Variants in DNER observed in about 807,000 individuals in gnomAD.
The protein encoded by DNER is delta and Notch-like epidermal growth factor-related receptor.
Under a neutral mutation model 78.2 loss-of-function variants are expected in DNER, and 33 were observed. The observed-to-expected ratio is 0.42, with a 90% CI of 0.32 to 0.56. DNER has a LOEUF of 0.56. Ranked by LOEUF, DNER falls within the 20% of genes least tolerant of loss-of-function variation. DNER has a pLI of 0.11. For missense variants in DNER, 918 were observed against 975.3 expected, an observed-to-expected ratio of 0.94 and a Z score of 0.78; for synonymous variants, 417 against 384.8, an observed-to-expected ratio of 1.08 and a Z score of -0.98.
chr2:229,405,281 C>T (rs945244525), intron 10 of DNER, among the ~76,000 whole-genome samples: 1 of 152,152 alleles, frequency 6.6e-6, no homozygotes, highest in African/African-American at 2.4e-5. Flanking sequence ...GAAATAAATG[C>T]TCCTGTGCAC....
At chr2:229,404,311 T>C (rs1391683537) in intron 10 of DNER, among the ~76,000 whole-genome samples, 2 of 152,096 alleles carry the variant, frequency 1.3e-5, no homozygotes, top group Admixed American at 1.3e-4. Flanking sequence ...TGGGGAGGCC[T>C]CGGAAAACTT....
At chr2:229,468,129 A>C (rs1427304137) in intron 7 of DNER, among the ~76,000 whole-genome samples, 1 of 152,190 alleles carries the variant, frequency 6.6e-6, no homozygotes, top group African/African-American at 2.4e-5. Flanking sequence ...AACCAACTCC[A>C]CCTTGCTTCT....
At chr2:229,493,697 C>T (rs1559148029) in intron 6 of DNER, among the ~76,000 whole-genome samples, 1 of 152,206 alleles carries the variant, frequency 6.6e-6, no homozygotes, top group Admixed American at 6.5e-5. Flanking sequence ...TATTGAGCAC[C>T]TGCTTTGTGT....
chr2:229,530,730 A>G (rs943463178), intron 5 of DNER, among the ~76,000 whole-genome samples: 1 of 152,244 alleles, frequency 6.6e-6, no homozygotes, highest in Admixed American at 6.5e-5. Context: ...TCATTAAACT[A>G]GAAACTCTCC....
chr2:229,534,798 T>A (rs2154212907), intron 5 of DNER, among the ~76,000 whole-genome samples: 1 of 152,344 alleles, frequency 6.6e-6, no homozygotes, highest in South Asian at 2.1e-4. Flanking sequence ...GGTGATGAGT[T>A]TATTGGGTTT....
chr2:229,402,930 A>C (rs1394910020), intron 10 of DNER, among the ~76,000 whole-genome samples: 1 of 152,220 alleles, frequency 6.6e-6, no homozygotes, highest in African/African-American at 2.4e-5. Flanking sequence ...AAATGCTTGA[A>C]GAGCAGGGAG....
chr2:229,623,033 C>T (rs918603265), intron 1 of DNER, among the ~76,000 whole-genome samples: 1 of 152,198 alleles, frequency 6.6e-6, no homozygotes, highest in African/African-American at 2.4e-5. Flanking sequence ...GTGCCACCTG[C>T]TCATCCTTAC....
intron 1 of DNER, among the ~76,000 whole-genome samples, chr2:229,681,196 C>G (rs1699381832): frequency 6.6e-6 from 1 of 152,178 alleles, no homozygotes; most frequent in African/African-American, 2.4e-5. Context: ...AATTTCACAA[C>G]CAGCAGGTAC....
intron 1 of DNER, among the ~76,000 whole-genome samples, chr2:229,609,249 C>A (rs1182927883): frequency 1.3e-5 from 2 of 152,090 alleles, no homozygotes; most frequent in Non-Finnish European, 2.9e-5. Flanking sequence ...AAAATGTGAT[C>A]TTCATCATTC....
chr2:229,505,177 A>T (rs1424969354), intron 6 of DNER, among the ~76,000 whole-genome samples: 2 of 126,516 alleles, frequency 1.6e-5, no homozygotes, highest in East Asian at 2.4e-4. Flanking sequence ...GTGTTGCTGC[A>T]GTGTGTGTGT....
intron 1 of DNER, among the ~76,000 whole-genome samples, chr2:229,609,685 G>A (rs149794861): frequency 6.6e-6 from 1 of 152,250 alleles, no homozygotes; most frequent in Non-Finnish European, 1.5e-5. Flanking sequence ...CTGGTGGAGG[G>A]ACACAATGAC....
At chr2:229,373,694 C>A (rs1692538467) in intron 11 of DNER, among the ~76,000 whole-genome samples, 1 of 152,156 alleles carries the variant, frequency 6.6e-6, no homozygotes, top group South Asian at 2.1e-4. Context: ...AAGGTGCCTG[C>A]CCATCAAAGA....
chr2:229,552,996 C>G (rs1479659330), intron 4 of DNER, among the ~76,000 whole-genome samples: 1 of 152,182 alleles, frequency 6.6e-6, no homozygotes, highest in Non-Finnish European at 1.5e-5. Flanking sequence ...TGCACCAATG[C>G]ATGAAGAACC....
chr2:229,642,441 A>T (rs116609223), intron 1 of DNER, among the ~76,000 whole-genome samples: 1,900 of 152,346 alleles, frequency 0.012, 9 homozygotes, highest in Non-Finnish European at 0.021. Context: ...GAAAAAAAGC[A>T]AAGTGAAATG....
chr2:229,678,765 G>A (rs137967051), intron 1 of DNER, among the ~76,000 whole-genome samples: 14 of 152,324 alleles, frequency 9.2e-5, no homozygotes, highest in African/African-American at 3.4e-4. Context: ...CCTATGGGCA[G>A]TATACCGTCA....
chr2:229,591,560 A>G lies in DNER; in HGVS notation c.585+20T>C, dbSNP rs1697606740. The G allele has an allele frequency of 6.3e-7, 1 of 1,590,986 alleles. No individual in the cohort carries two copies. The highest frequency in any genetic ancestry group is 1.8e-5 in the Admixed American group (1 of 56,766). On this transcript the variant is annotated intron_variant, in intron 2 of 12. Coordinates refer to ENST00000341772, the MANE Select transcript of DNER (RefSeq NM_139072.4). This position sits in a 1 kb window ranked among gnomAD's most constrained non-coding sequence, Gnocchi z 4.6. The stretch of plus-strand genomic sequence containing the variant: ...TTTCTGGTTTCTAATGTAAAAATGC[A>G]CATGATATAACGTTCTCACCTCCAC...
At chr2:229,668,763 C>T (rs1306494502) in intron 1 of DNER, among the ~76,000 whole-genome samples, 1 of 151,398 alleles carries the variant, frequency 6.6e-6, no homozygotes, top group Non-Finnish European at 1.5e-5. Flanking sequence ...TGCTTTTACA[C>T]TGTTGGTAGG....
intron 7 of DNER, among the ~76,000 whole-genome samples, chr2:229,454,850 A>T (rs1694537412): frequency 6.6e-6 from 1 of 152,210 alleles, no homozygotes; most frequent in Non-Finnish European, 1.5e-5. Context: ...AGGAGAGAAT[A>T]CACTTTTGGT....
At chr2:229,526,304 T>C (rs1002140650) in intron 5 of DNER, among the ~76,000 whole-genome samples, 1 of 152,258 alleles carries the variant, frequency 6.6e-6, no homozygotes, top group Non-Finnish European at 1.5e-5. Flanking sequence ...GCTCGCGTGT[T>C]CCTCTCAAAA....
Sources: gnomAD v4.1 joint callset for allele counts (sites outside exome capture counted in the v4.1 genomes callset) on GRCh38, gnomAD v4.1.1 for gene constraint, Gnocchi (gnomAD v3.1) non-coding constraint, MANE v1.5 for transcripts, NCBI Gene and HGNC (gene_info 2026-07-23, HGNC 2026-07-21) for gene names.